KALRN: variants seen among roughly 807,000 people sequenced by gnomAD.
KALRN encodes kalirin RhoGEF kinase.
In KALRN, 70 loss-of-function variants were observed where a neutral mutation model predicts 353.7. The observed-to-expected ratio is 0.20, with a 90% confidence interval of 0.16 to 0.24. KALRN has a LOEUF of 0.24. KALRN is among the 10% of genes least tolerant of loss of function. The probability of loss-of-function intolerance (pLI) is 1.00; values close to 1 mark genes in which losing one functional copy is unlikely to be tolerated. For missense variants in KALRN, 2,791 were observed against 3,756.7 expected, an observed-to-expected ratio of 0.74 and a Z score of 6.72; for synonymous variants, 1,391 against 1,434.8, an observed-to-expected ratio of 0.97 and a Z score of 0.69.
intron 45 of KALRN, among the ~76,000 whole-genome samples, chr3:124,662,130 A>C (rs911787033): frequency 1.3e-5 from 2 of 151,854 alleles, no homozygotes; most frequent in Admixed American, 1.3e-4. Flanking sequence ...GGTCATAAGA[A>C]GTTACAGAGC....
chr3:124,199,959 C>A (rs1235852080), intron 1 of KALRN, among the ~76,000 whole-genome samples: 1 of 152,184 alleles, frequency 6.6e-6, no homozygotes, highest in Admixed American at 6.5e-5. Flanking sequence ...TAAGAGGTTC[C>A]TGAAAAGGTT....
At position 124,087,907 on chromosome 3, in the gene KALRN, A is replaced by G. The variant is rs1234215155; in HGVS notation, c.73+54094A>G. Among the ~76,000 whole-genome samples, 4 of 152,226 alleles carry G rather than the reference A, an allele frequency of 2.6e-5. No homozygotes were observed. The East Asian group carries it at 7.7e-4, about 29-fold the overall frequency. ...TAGGTGATACAGTTCAAGAGTCAAA[A>G]TTCAAAATGTGTAAGATGAGTTACA... On this transcript the variant is annotated intron_variant, in intron 1 of 59. Coordinates refer to ENST00000682506, the MANE Select transcript of KALRN (RefSeq NM_001388419.1).
intron 13 of KALRN, among the ~76,000 whole-genome samples, chr3:124,410,684 C>T (rs796529208): frequency 4.6e-5 from 7 of 152,268 alleles, no homozygotes; most frequent in African/African-American, 1.7e-4. Flanking sequence ...ATTAAATAGA[C>T]TGATAATGCC....
At chr3:124,040,063 G>A (rs1161082808) in intron 1 of KALRN, among the ~76,000 whole-genome samples, 1 of 152,176 alleles carries the variant, frequency 6.6e-6, no homozygotes, top group Non-Finnish European at 1.5e-5. Context: ...GATTTGGTAA[G>A]CTTTGCTTCA....
rs190655201 is a variant in KALRN at position 124,112,615 on chromosome 3, C to T, written c.73+78802C>T. Among the ~76,000 whole-genome samples, 7 of 152,250 alleles carry T rather than the reference C, an allele frequency of 4.6e-5. No homozygotes were observed. In the East Asian group the frequency reaches 1.4e-3, roughly 29 times the overall value. On this transcript the variant is annotated intron_variant, in intron 1 of 59. Transcript: ENST00000682506. Reference sequence around the variant, plus strand: ...GGTCCAATTCCTGAACACTAGCCTTCCACAGGTTTGGGGTCCATCTTTCCA... The same window carrying T: ...GGTCCAATTCCTGAACACTAGCCTTTCACAGGTTTGGGGTCCATCTTTCCA...
intron 34 of KALRN, among the ~76,000 whole-genome samples, chr3:124,601,783 A>G (rs1204151326): frequency 6.6e-6 from 1 of 152,062 alleles, no homozygotes; most frequent in Non-Finnish European, 1.5e-5. Flanking sequence ...TAATCCCAGC[A>G]CTTTGGGAGG....
chr3:124,496,507 A>G, intron 33 of KALRN, 94 bp downstream of exon 33: 1 of 911,194 alleles, frequency 1.1e-6, no homozygotes, highest in Admixed American at 1.8e-5. Flanking sequence ...CTCACTATGG[A>G]TCCTACCTTC....
chr3:124,621,741 G>T (rs907976676), intron 34 of KALRN, among the ~76,000 whole-genome samples: 1 of 152,240 alleles, frequency 6.6e-6, no homozygotes. Flanking sequence ...TGAGAAGCCA[G>T]CCGTGCCAGA....
intron 1 of KALRN, among the ~76,000 whole-genome samples, chr3:124,039,698 A>C (rs2039770891): frequency 6.6e-6 from 1 of 152,242 alleles, no homozygotes; most frequent in African/African-American, 2.4e-5. Flanking sequence ...GTCACCGCCC[A>C]GTCTGTACAT....
chr3:124,606,764 A>G (rs967095627), intron 34 of KALRN, among the ~76,000 whole-genome samples: 1 of 152,350 alleles, frequency 6.6e-6, no homozygotes, highest in Admixed American at 6.5e-5. Context: ...ATGTATGAAG[A>G]GTTCTTATAA....
chr3:124,640,321 C>G (rs1489749862), intron 37 of KALRN, among the ~76,000 whole-genome samples: 6 of 141,198 alleles, frequency 4.2e-5, no homozygotes, highest in African/African-American at 1.1e-4. Flanking sequence ...GAGTCTCACT[C>G]TGTCGCCCAG....
chr3:124,046,988 T>C (rs533321846), intron 1 of KALRN, among the ~76,000 whole-genome samples: 10 of 151,904 alleles, frequency 6.6e-5, no homozygotes, highest in African/African-American at 2.2e-4. Context: ...TGTATCTTTT[T>C]TTTTTTTTTT....
chr3:124,391,013 C>G (rs958730993), intron 11 of KALRN, among the ~76,000 whole-genome samples: 2 of 152,074 alleles, frequency 1.3e-5, no homozygotes, highest in African/African-American at 4.8e-5. Context: ...TTTAACTGTT[C>G]CCCTATCAAG....
intron 1 of KALRN, among the ~76,000 whole-genome samples, chr3:124,139,741 G>A (rs1315787528): frequency 6.6e-6 from 1 of 152,166 alleles, no homozygotes; most frequent in African/African-American, 2.4e-5. Flanking sequence ...GTGGGGGATT[G>A]GATGTGAGGA....
rs551022938 is a variant in KALRN at position 124,291,968 on chromosome 3, C to T, written c.970-6823C>T. 7.2e-5 allele frequency among the ~76,000 whole-genome samples: 11 copies of T among 152,338 alleles called. No homozygotes were observed. The South Asian group carries it at 2.1e-3, about 29-fold the overall frequency. On this transcript the variant is annotated intron_variant, in intron 5 of 59. Coordinates refer to ENST00000682506, the MANE Select transcript of KALRN (RefSeq NM_001388419.1). Reference sequence around the variant, plus strand: ...CGTCTGTAGATGTCCGTGTAATGATCTCTTCAGAACCTAAATACTCTGTGG... The same window carrying T: ...CGTCTGTAGATGTCCGTGTAATGATTTCTTCAGAACCTAAATACTCTGTGG...
At position 124,495,590 on chromosome 3, in the gene KALRN, T is replaced by C. The variant is rs532477708; in HGVS notation, c.4833-721T>C. Among the ~76,000 whole-genome samples the C allele has an allele frequency of 2.0e-5, 3 of 151,514 alleles. No individual in the cohort carries two copies. The South Asian group carries it at 6.3e-4, about 32-fold the overall frequency. On this transcript the variant is annotated intron_variant, in intron 32 of 59. Transcript: ENST00000682506. ...CGTCTCCACAAAAAAATACAAAAATTAGCTGGGCATGATGGCAGGCACGTG... is the reference window on the plus strand; with the variant it reads ...CGTCTCCACAAAAAAATACAAAAATCAGCTGGGCATGATGGCAGGCACGTG...
At chr3:124,138,124 C>T (rs1210027571) in intron 1 of KALRN, among the ~76,000 whole-genome samples, 1 of 152,114 alleles carries the variant, frequency 6.6e-6, no homozygotes, top group Non-Finnish European at 1.5e-5. Flanking sequence ...CAGGCATCTC[C>T]CACAATTTGT....
chr3:124,270,491 T>A (rs1354177408), intron 5 of KALRN, among the ~76,000 whole-genome samples: 1 of 152,230 alleles, frequency 6.6e-6, no homozygotes, highest in Non-Finnish European at 1.5e-5. Context: ...GTTTTCTAAT[T>A]TTTTATAACA....
Position 124,197,631 on chromosome 3 carries a change from T to C in KALRN, c.74-30359T>C, listed in dbSNP as rs147155538. 2.2e-3 allele frequency among the ~76,000 whole-genome samples: 332 copies of C among 152,300 alleles called. 1 individual carries two copies. Among genetic ancestry groups the C allele is most frequent in the African/African-American group, 7.7e-3 (321 of 41,556 alleles). ...GTCTCTTGTGGACATCTTGTAAAGA[T>C]AGACCATTCTAATGCTGTTTCCAAG... On this transcript the variant is annotated intron_variant, in intron 1 of 59. Coordinates refer to ENST00000682506, the MANE Select transcript of KALRN (RefSeq NM_001388419.1).
Sources: allele counts gnomAD v4.1 joint callset (sites outside exome capture counted in the v4.1 genomes callset), GRCh38; gene constraint gnomAD v4.1.1; transcripts MANE v1.5; gene names NCBI Gene and HGNC (gene_info 2026-07-23, HGNC 2026-07-21).